Variants in ZNF407 observed in about 807,000 individuals in gnomAD.
ZNF407 encodes the protein zinc finger protein 407.
Under a neutral mutation model 131.2 loss-of-function variants are expected in ZNF407, and 17 were observed. The ratio of observed to expected loss-of-function variants is 0.13; its 90% CI spans 0.09 to 0.19. The LOEUF is 0.19. Ranked by LOEUF, ZNF407 falls within the 10% of genes least tolerant of loss-of-function variation. ZNF407 has a pLI of 1.00. For missense variants in ZNF407, 2,681 were observed against 2,830.6 expected (o/e 0.95, Z 1.20); for synonymous variants, 1,156 against 1,062.0 (o/e 1.09, Z -1.72).
intron 7 of ZNF407, among the ~76,000 whole-genome samples, chr18:74,899,807 T>C (rs1407075908): frequency 1.3e-5 from 2 of 152,108 alleles, no homozygotes; most frequent in African/African-American, 4.8e-5. Context: ...AGCCACTGGG[T>C]CTCAGATTCT....
At chr18:75,021,500 C>T (rs1013692503) in intron 8 of ZNF407, among the ~76,000 whole-genome samples, 16 of 152,048 alleles carry the variant, frequency 1.1e-4, no homozygotes. Flanking sequence ...AAACTCCTGA[C>T]ATCAAGGTAT....
rs764100154 is a variant in ZNF407 at position 74,952,663 on chromosome 18, T to C, written c.5428+31971T>C. ...AAAATCTCTCTTAAGAATAAGACTT[T>C]TAAAAAACAGTTTTATTGAGGCATA... is the stretch of plus-strand genomic sequence containing the variant. On this transcript the variant is annotated intron_variant, in intron 8 of 8. Coordinates refer to ENST00000299687, the MANE Select transcript of ZNF407 (RefSeq NM_017757.3). Among the ~76,000 whole-genome samples, 57 of 152,314 alleles carry C rather than the reference T, an allele frequency of 3.7e-4. 1 individual carries two copies. Among genetic ancestry groups the C allele is most frequent in the Admixed American group, 7.2e-4 (11 of 15,298 alleles).
chr18:74,693,790 T>A (rs919036314), intron 3 of ZNF407, among the ~76,000 whole-genome samples: 1 of 152,174 alleles, frequency 6.6e-6, no homozygotes, highest in Admixed American at 6.5e-5. Context: ...TTCAGGTCAT[T>A]ATTTCTTCAG....
chr18:74,634,332 T>C lies in ZNF407; in HGVS notation c.3313T>C (p.Ser1105Pro). 6.2e-7 allele frequency: 1 copy of C among 1,613,946 alleles called. No individual in the cohort carries two copies. The highest frequency in any genetic ancestry group is 8.5e-7 in the Non-Finnish European group (1 of 1,179,852). The stretch of plus-strand genomic sequence containing the variant: ...GCCTGAAGAAGAGCATCAACAAAAT[T>C]CTGAGGAATTTCAAATAATTTCAGG... ...IMPEEEHQQN[S>P]EEFQIISGQP... The change falls in exon 2 of 9, where the codon TCT (serine) becomes CCT (proline). Residue 1105 changes from serine to proline, a missense_variant. Coordinates refer to ENST00000299687, the MANE Select transcript of ZNF407 (RefSeq NM_017757.3).
intron 8 of ZNF407, among the ~76,000 whole-genome samples, chr18:75,054,273 C>T (rs1422097302): frequency 9.2e-5 from 14 of 152,340 alleles, no homozygotes; most frequent in Admixed American, 6.5e-4. Context: ...CCCCAGCCGT[C>T]GGTTCTGTTT....
chr18:74,686,934 C>T (rs1302910024), intron 3 of ZNF407, among the ~76,000 whole-genome samples: 2 of 152,126 alleles, frequency 1.3e-5, no homozygotes, highest in Non-Finnish European at 2.9e-5. Flanking sequence ...TTATTGAGCA[C>T]GTATTAGGTA....
intron 8 of ZNF407, among the ~76,000 whole-genome samples, chr18:75,025,035 G>A (rs1224822504): frequency 2.0e-5 from 3 of 152,112 alleles, no homozygotes; most frequent in Non-Finnish European, 4.4e-5. Flanking sequence ...GTGTCACATC[G>A]GTTATCAAGT....
intron 8 of ZNF407, among the ~76,000 whole-genome samples, chr18:75,021,519 T>C (rs1973110494): frequency 6.6e-6 from 1 of 152,114 alleles, no homozygotes; most frequent in Non-Finnish European, 1.5e-5. Context: ...ATCCTCCTGC[T>C]TCCACCTCCC....
intron 8 of ZNF407, among the ~76,000 whole-genome samples, chr18:74,944,007 AT>A (rs1302079431): frequency 6.6e-6 from 1 of 152,158 alleles, no homozygotes; most frequent in East Asian, 1.9e-4. Context: ...AGGAAGTAAT[AT>A]TTCCCCCCTT....
intron 8 of ZNF407, among the ~76,000 whole-genome samples, chr18:74,975,604 A>G (rs1037739053): frequency 7.9e-5 from 12 of 152,182 alleles, no homozygotes; most frequent in South Asian, 2.1e-4. Context: ...CACACTTTCC[A>G]TACTAGGTCT....
intron 4 of ZNF407, chr18:74,804,277 T>A: frequency 9.2e-6 from 11 of 1,198,228 alleles, no homozygotes; most frequent in Non-Finnish European, 1.1e-5. Flanking sequence ...TACTCAGTTT[T>A]ATAAAATTGT....
chr18:74,633,386 T>C lies in ZNF407; in HGVS notation c.2367T>C (p.Phe789=), dbSNP rs370452381. ...CIGANDKKEE[F]DVSGNGRIEG... ...GTGCAAATGATAAAAAAGAAGAGTT[T>C]GATGTTTCCGGAAATGGAAGGATTG... The change falls in exon 2 of 9, where the codon TTT becomes TTC. Residue 789 remains phenylalanine (F), a synonymous_variant. Coordinates refer to ENST00000299687, the MANE Select transcript of ZNF407 (RefSeq NM_017757.3). 5.0e-6 allele frequency: 8 copies of C among 1,613,982 alleles called. No individual in the cohort carries two copies. The highest frequency in any genetic ancestry group is 6.8e-6 in the Non-Finnish European group (8 of 1,179,898).
In ZNF407 at chr18:74,801,534, C is replaced by G. The variant is rs1276959671; in HGVS notation, c.4877+20032C>G. 2.0e-5 allele frequency among the ~76,000 whole-genome samples: 3 copies of G among 152,128 alleles called. No homozygotes were observed. In the East Asian group the frequency reaches 5.8e-4, roughly 29 times the overall value. On this transcript the variant is annotated intron_variant, in intron 4 of 8. Coordinates refer to ENST00000299687, the MANE Select transcript of ZNF407 (RefSeq NM_017757.3). The stretch of plus-strand genomic sequence containing the variant: ...TTTTATTTTCTCTTACAGGTATATT[C>G]AATTATATCCTGAAAATGAAAGACA...
chr18:74,892,449 G>A (rs181143396), intron 7 of ZNF407, among the ~76,000 whole-genome samples: 2 of 152,166 alleles, frequency 1.3e-5, no homozygotes, highest in Non-Finnish European at 2.9e-5. Flanking sequence ...AGTCGGCCAC[G>A]TCAGTCGCTT....
At chr18:74,866,417 T>C (rs1971011110) in intron 4 of ZNF407, among the ~76,000 whole-genome samples, 1 of 152,180 alleles carries the variant, frequency 6.6e-6, no homozygotes, top group Non-Finnish European at 1.5e-5. Context: ...AAGGCCGAGA[T>C]GATGACAAAG....
At chr18:74,811,889 G>T (rs985485624) in intron 4 of ZNF407, among the ~76,000 whole-genome samples, 2 of 150,646 alleles carry the variant, frequency 1.3e-5, no homozygotes, top group Admixed American at 6.6e-5. Flanking sequence ...TAAGGGGAAG[G>T]GGGAGGGGGG....
rs562633688 is a variant in ZNF407, at chr18:74,615,075, TTC to T, written c.-53-15890_-53-15889del. On this transcript the variant is annotated intron_variant, in intron 1 of 8. Coordinates refer to ENST00000299687, the MANE Select transcript of ZNF407 (RefSeq NM_017757.3). ...AGCTGCCTCTTCCATGCTTACTTTC[TTC>T]TGTCAGCTGGATGCAGGGAATGAGA... Among the ~76,000 whole-genome samples, 588 of 152,320 alleles carry T rather than the reference TTC, an allele frequency of 3.9e-3. 3 individuals are homozygous for T. Among genetic ancestry groups the T allele is most frequent in the African/African-American group, 0.013 (561 of 41,578 alleles).
Position 74,635,297 on chromosome 18 carries a change from G to A in ZNF407, c.4278G>A (p.Leu1426=), listed in dbSNP as rs201719725. The A allele has an allele frequency of 3.4e-3, 5,476 of 1,614,024 alleles. 12 individuals carry two copies. Among genetic ancestry groups the A allele is most frequent in the Non-Finnish European group, 4.3e-3 (5,088 of 1,179,896 alleles). ...ATTGTGGCTTCTTAGCAGATGGACT[G>A]AGTGGACTGAATGTTCACATAGCCA... is the stretch of plus-strand genomic sequence containing the variant. ...CDDCGFLADG[L]SGLNVHIAMK... Residue 1426 remains leucine (L), a synonymous_variant, in exon 2 of 9, where the codon CTG becomes CTA. Coordinates refer to ENST00000299687, the MANE Select transcript of ZNF407 (RefSeq NM_017757.3). The surrounding 1 kb of genome is among the most constrained non-coding windows in gnomAD (Gnocchi z 4.7).
intron 8 of ZNF407, among the ~76,000 whole-genome samples, chr18:74,977,346 A>G (rs953241456): frequency 3.9e-5 from 6 of 152,278 alleles, no homozygotes; most frequent in Non-Finnish European, 7.4e-5. Flanking sequence ...CCTGCCTACA[A>G]ATTCCACACT....
Sources: gnomAD v4.1 joint callset for allele counts (sites outside exome capture counted in the v4.1 genomes callset) on GRCh38, gnomAD v4.1.1 for gene constraint, Gnocchi (gnomAD v3.1) non-coding constraint, MANE v1.5 for transcripts, NCBI Gene and HGNC (gene_info 2026-07-23, HGNC 2026-07-21) for gene names.